The following FRMD4B variants were observed in gnomAD, a reference collection of about 807,000 sequenced individuals.
FRMD4B encodes FERM domain-containing protein 4B.
FRMD4B carries 74 observed loss-of-function variants against 141.5 expected under a neutral mutation model. The observed-to-expected ratio is 0.52, with a 90% confidence interval of 0.43 to 0.63. FRMD4B has a LOEUF of 0.63. Among genes scored for constraint, FRMD4B ranks in the 30% least tolerant of loss-of-function variants. The pLI is 0.00. For synonymous variants in FRMD4B, 506 were observed against 467.9 expected, an observed-to-expected ratio of 1.08 and a Z score of -1.05; for missense variants, 1,366 against 1,253.4, an observed-to-expected ratio of 1.09 and a Z score of -1.36.
intron 8 of FRMD4B, 99 bp from the exon 9 acceptor site, chr3:69,222,022 G>C: frequency 2.8e-6 from 2 of 719,014 alleles, no homozygotes; most frequent in Non-Finnish European, 5.1e-6. Flanking sequence ...ACTTGAGAGA[G>C]AAAGCCTTCA....
At chr3:69,190,007 G>T in intron 17 of FRMD4B, 55 bp from the exon 18 acceptor site, 1 of 965,928 alleles carries the variant, frequency 1.0e-6, no homozygotes, top group South Asian at 1.4e-5. Flanking sequence ...CAATTAGAGG[G>T]GTCTTAGATA....
intron 17 of FRMD4B, 126 bp from the exon 18 acceptor site, chr3:69,190,078 G>C (rs529319305): frequency 1.7e-5 from 10 of 597,808 alleles, no homozygotes; most frequent in East Asian, 2.8e-5. Context: ...AGTGCATTAA[G>C]AATAATTAAC....
At chr3:69,392,479 C>G (rs560573058) in intron 2 of FRMD4B, among the ~76,000 whole-genome samples, 1 of 152,094 alleles carries the variant, frequency 6.6e-6, no homozygotes, top group South Asian at 2.1e-4. Context: ...ATTTGTAGAA[C>G]ATAAGGGAAA....
chr3:69,263,122 T>G (rs970699465), intron 5 of FRMD4B, among the ~76,000 whole-genome samples: 1 of 151,944 alleles, frequency 6.6e-6, no homozygotes, highest in African/African-American at 2.4e-5. Flanking sequence ...CCAGGCATGG[T>G]GGCAGGCAGC....
chr3:69,459,960 T>G (rs532569117), intron 1 of FRMD4B, among the ~76,000 whole-genome samples: 103 of 152,344 alleles, frequency 6.8e-4, no homozygotes, highest in Admixed American at 1.5e-3. Context: ...ATAGGATACA[T>G]GAAAAGACAG....
At chr3:69,318,689 T>C (rs1311240242) in intron 1 of FRMD4B, among the ~76,000 whole-genome samples, 1 of 152,024 alleles carries the variant, frequency 6.6e-6, no homozygotes, top group Admixed American at 6.6e-5. Context: ...AAATTGGAGG[T>C]GGAAAAGTGA....
intron 2 of FRMD4B, among the ~76,000 whole-genome samples, chr3:69,423,105 C>A (rs1351888232): frequency 1.3e-5 from 2 of 152,174 alleles, no homozygotes; most frequent in African/African-American, 4.8e-5. Context: ...TCAAACTTGC[C>A]TACTGGTTAG....
intron 1 of FRMD4B, among the ~76,000 whole-genome samples, chr3:69,315,914 G>T (rs1701791245): frequency 6.6e-6 from 1 of 152,132 alleles, no homozygotes; most frequent in South Asian, 2.1e-4. Context: ...AAAGAAAATA[G>T]CCTCCATTAC....
At chr3:69,510,219 G>A (rs1001442744) in intron 1 of FRMD4B, among the ~76,000 whole-genome samples, 2 of 151,950 alleles carry the variant, frequency 1.3e-5, no homozygotes, top group Non-Finnish European at 2.9e-5. Context: ...TAATAATAGC[G>A]ATTTTTGTTA....
intron 11 of FRMD4B, among the ~76,000 whole-genome samples, chr3:69,211,482 A>C (rs909690440): frequency 5.9e-5 from 9 of 152,226 alleles, no homozygotes; most frequent in African/African-American, 1.4e-4. Context: ...TGGGAGGTCA[A>C]ACAAATACCT....
chr3:69,233,409 G>A (rs769881284), intron 7 of FRMD4B, among the ~76,000 whole-genome samples: 31 of 151,528 alleles, frequency 2.0e-4, no homozygotes, highest in African/African-American at 5.8e-4. Context: ...ACCTGAGGCC[G>A]GGAGTTCGAG....
chr3:69,350,786 G>C (rs1169199116), intron 1 of FRMD4B, among the ~76,000 whole-genome samples: 3 of 136,574 alleles, frequency 2.2e-5, no homozygotes, highest in Non-Finnish European at 4.6e-5. Flanking sequence ...AGAACACTTG[G>C]ACACAGGAAG....
At chr3:69,217,695 A>G (rs76869853) in intron 10 of FRMD4B, among the ~76,000 whole-genome samples, 4,371 of 152,236 alleles carry the variant, frequency 0.029, 180 homozygotes, top group African/African-American at 0.086. Context: ...AAATTTTCTA[A>G]TTCCCCATCA....
intron 1 of FRMD4B, among the ~76,000 whole-genome samples, chr3:69,358,501 CA>C (rs1252350050): frequency 3.3e-5 from 5 of 151,130 alleles, no homozygotes; most frequent in South Asian, 2.1e-4. Context: ...TTTGGGAAGC[CA>C]AAAAAAACAG....
chr3:69,484,396 G>T (rs1706180275), intron 1 of FRMD4B, among the ~76,000 whole-genome samples: 1 of 152,186 alleles, frequency 6.6e-6, no homozygotes, highest in Non-Finnish European at 1.5e-5. Flanking sequence ...GATCTTTGGG[G>T]TGTTGATTTT....
In FRMD4B at chr3:69,323,624, A is replaced by G. The variant is rs1380214073; in HGVS notation, c.163-10107T>C. On this transcript the variant is annotated intron_variant, in intron 1 of 22. Transcript: ENST00000398540. ...TCTCTCTGTGTATATATATATATAT[A>G]TATATATATATATATATATATATAT... Among the ~76,000 whole-genome samples, 134 of 49,660 alleles carry G rather than the reference A, an allele frequency of 2.7e-3. 2 individuals carry two copies. Among genetic ancestry groups the G allele is most frequent in the East Asian group, 0.014 (52 of 3,614 alleles). The allele number at this position is 49,660 out of a possible 152,430, so 32.6% of individuals were successfully genotyped here.
At chr3:69,283,011 A>G (rs899352679) in intron 5 of FRMD4B, among the ~76,000 whole-genome samples, 15 of 152,190 alleles carry the variant, frequency 9.9e-5, no homozygotes, top group Non-Finnish European at 2.1e-4. Context: ...TATCTCAATA[A>G]CAGTCATAGT....
intron 2 of FRMD4B, among the ~76,000 whole-genome samples, chr3:69,403,640 G>A (rs148640973): frequency 2.0e-5 from 3 of 152,256 alleles, no homozygotes; most frequent in Non-Finnish European, 4.4e-5. Context: ...GGCAAGACAG[G>A]TTTTGGAAGT....
intron 1 of FRMD4B, among the ~76,000 whole-genome samples, chr3:69,470,150 T>C (rs1458330838): frequency 6.6e-6 from 1 of 152,338 alleles, no homozygotes; most frequent in East Asian, 1.9e-4. Context: ...AAATAAGATT[T>C]CTCAGTGCAG....
Sources: allele counts gnomAD v4.1 joint callset (sites outside exome capture counted in the v4.1 genomes callset), GRCh38; gene constraint gnomAD v4.1.1; transcripts MANE v1.5; gene names NCBI Gene and HGNC (gene_info 2026-07-23, HGNC 2026-07-21).